LRRC8D: variants seen among roughly 807,000 people sequenced by gnomAD.
LRRC8D encodes the protein leucine rich repeat containing 8 VRAC subunit D, also known as volume-regulated anion channel subunit LRRC8D.
A neutral mutation model predicts 55.8 loss-of-function variants in LRRC8D; 20 were observed. That is an observed-to-expected ratio of 0.36 (90% confidence interval 0.25 to 0.52). The LOEUF (loss-of-function observed/expected upper bound fraction) is 0.52, where lower values mean the gene tolerates loss of function less well. LRRC8D is among the 20% of genes least tolerant of loss of function. The pLI, the probability that LRRC8D is intolerant of heterozygous loss-of-function variation, is 0.93. For missense variants in LRRC8D, 651 were observed against 1,030.8 expected (o/e 0.63, Z 5.05); for synonymous variants, 352 against 377.0 (o/e 0.93, Z 0.77).
At chr1:89,886,643 G>A (rs1662427145) in intron 2 of LRRC8D, among the ~76,000 whole-genome samples, 1 of 152,140 alleles carries the variant, frequency 6.6e-6, no homozygotes. Context: ...TGTATTCGCA[G>A]CCCATAAGTT....
intron 2 of LRRC8D, among the ~76,000 whole-genome samples, chr1:89,909,465 A>AT (rs140670041): frequency 0.022 from 3,291 of 148,210 alleles, 110 homozygotes; most frequent in African/African-American, 0.076. Context: ...TACCAGTGCC[A>AT]TTTTTTTTTT....
rs116363502 is a variant in LRRC8D at position 89,900,101 on chromosome 1, C to A, written c.-2-32966C>A. Among the ~76,000 whole-genome samples the A allele has an allele frequency of 2.2e-3, 337 of 152,224 alleles. 3 individuals carry two copies. Among genetic ancestry groups the A allele is most frequent in the African/African-American group, 7.6e-3 (317 of 41,518 alleles). On this transcript the variant is annotated intron_variant, in intron 2 of 2. Transcript: ENST00000337338. ...AGAAATGCACAGGATACTCTGGGAG[C>A]ATCAAGGGAGGATTAAAAGGACTGG...
intron 2 of LRRC8D, among the ~76,000 whole-genome samples, chr1:89,929,395 C>T (rs1269480870): frequency 6.6e-6 from 1 of 152,120 alleles, no homozygotes; most frequent in East Asian, 1.9e-4. Context: ...AAGTTACTGG[C>T]CTGGAACAGA....
chr1:89,931,122 T>C (rs1663694990), intron 2 of LRRC8D, among the ~76,000 whole-genome samples: 1 of 151,500 alleles, frequency 6.6e-6, no homozygotes, highest in African/African-American at 2.4e-5. Context: ...AGACTTGTGT[T>C]TACCTGCTTA....
rs528095720 is a variant in LRRC8D, at chr1:89,933,870, A to G, written c.802A>G (p.Ile268Val). The change falls in exon 3 of 3, where the codon ATT becomes GTT. Residue 268 changes from isoleucine (I) to valine (V), a missense_variant. Ile to Val is a conservative substitution (Grantham distance 29, BLOSUM62 3). This residue lies in a region of LRRC8D where 178 missense variants were observed against 374.9 expected (regional missense o/e 0.47). Coordinates refer to ENST00000337338, the MANE Select transcript of LRRC8D (RefSeq NM_001134479.2). The surrounding 1 kb of genome is among the most constrained non-coding windows in gnomAD (Gnocchi z 7.0). ...TAAATTTTCAGCTGAGAAGCCTGTG[A>G]TTGAAGTTCCCAGCATGACAATCCT... ...GFKFSAEKPVIEVPSMTILDK... is the reference protein window; with the variant it reads ...GFKFSAEKPVVEVPSMTILDK... The G allele has an allele frequency of 1.2e-6, 2 of 1,613,768 alleles. No homozygotes were observed. The highest frequency in any genetic ancestry group is 1.7e-6 in the Non-Finnish European group (2 of 1,179,858).
At chr1:89,885,523 ACAT>A (rs1234758053) in intron 2 of LRRC8D, among the ~76,000 whole-genome samples, 1 of 152,258 alleles carries the variant, frequency 6.6e-6, no homozygotes, top group Non-Finnish European at 1.5e-5. Flanking sequence ...TGGTGTGAAT[ACAT>A]CCTAGTAAGG....
chr1:89,909,917 G>A (rs1663092471), intron 2 of LRRC8D, among the ~76,000 whole-genome samples: 1 of 151,070 alleles, frequency 6.6e-6, no homozygotes, highest in African/African-American at 2.4e-5. Flanking sequence ...CCCTCACTGA[G>A]TAAGAATCTT....
chr1:89,917,008 G>A (rs1043454087), intron 2 of LRRC8D, among the ~76,000 whole-genome samples: 1 of 152,088 alleles, frequency 6.6e-6, no homozygotes, highest in Non-Finnish European at 1.5e-5. Flanking sequence ...CTATTGTACA[G>A]GTAAAAGGTG....
At chr1:89,889,639 T>C (rs1662510925) in intron 2 of LRRC8D, among the ~76,000 whole-genome samples, 1 of 150,678 alleles carries the variant, frequency 6.6e-6, no homozygotes, top group Non-Finnish European at 1.5e-5. Context: ...CCCCGCACTT[T>C]GGGAGGCCGA....
chr1:89,872,462 G>C (rs1343145388), intron 2 of LRRC8D, among the ~76,000 whole-genome samples: 1 of 152,166 alleles, frequency 6.6e-6, no homozygotes, highest in Non-Finnish European at 1.5e-5. Flanking sequence ...ACTTCATTCT[G>C]TTATTTGTTA....
chr1:89,838,790 TGATCAGTG>T (rs1164038068), intron 1 of LRRC8D, among the ~76,000 whole-genome samples: 2 of 152,240 alleles, frequency 1.3e-5, no homozygotes, highest in African/African-American at 4.8e-5. Flanking sequence ...TATCACAGTT[TGATCAGTG>T]GATCAGTCTT....
chr1:89,891,233 T>C (rs1662572416), intron 2 of LRRC8D, among the ~76,000 whole-genome samples: 1 of 152,226 alleles, frequency 6.6e-6, no homozygotes, highest in African/African-American at 2.4e-5. Flanking sequence ...GGCCAGTTAC[T>C]TTGTACCTTG....
intron 2 of LRRC8D, among the ~76,000 whole-genome samples, chr1:89,885,583 G>C (rs950727940): frequency 6.6e-6 from 1 of 152,172 alleles, no homozygotes; most frequent in African/African-American, 2.4e-5. Context: ...TTTTAAGTTA[G>C]GGTGTTTGGA....
intron 1 of LRRC8D, among the ~76,000 whole-genome samples, chr1:89,830,757 G>C (rs776974445): frequency 1.3e-5 from 2 of 152,150 alleles, no homozygotes; most frequent in Non-Finnish European, 2.9e-5. Context: ...TGATTTTAAA[G>C]GTTGGCTAAT....
rs150653463 is a variant in LRRC8D at position 89,869,650 on chromosome 1, A to G, written c.-3+25868A>G. Among the ~76,000 whole-genome samples, 67 of 152,316 alleles carry G rather than the reference A, an allele frequency of 4.4e-4. 1 individual carries two copies. Among genetic ancestry groups the G allele is most frequent in the African/African-American group, 1.6e-3 (66 of 41,562 alleles). On this transcript the variant is annotated intron_variant, in intron 2 of 2. Transcript: ENST00000337338. Reference sequence around the variant, plus strand: ...CTCAAGAAGAGCAACCACAAGACACATAATCATCAGATTCACCAAGGCAGA... The same window carrying G: ...CTCAAGAAGAGCAACCACAAGACACGTAATCATCAGATTCACCAAGGCAGA...
chr1:89,882,491 T>G (rs188021184), intron 2 of LRRC8D, among the ~76,000 whole-genome samples: 1 of 152,338 alleles, frequency 6.6e-6, no homozygotes, highest in Non-Finnish European at 1.5e-5. Flanking sequence ...AGTCCACAGA[T>G]GGTAAATGCT....
chr1:89,850,965 A>G lies in LRRC8D; in HGVS notation c.-3+7183A>G, dbSNP rs185443969. On this transcript the variant is annotated intron_variant, in intron 2 of 2. Transcript: ENST00000337338. ...CTAAAAACACATTTCTAAAAGACAC[A>G]TTTTTCTAGAAATGTGTCGACCTAT... Among the ~76,000 whole-genome samples, 253 of 151,942 alleles carry G rather than the reference A, an allele frequency of 1.7e-3. 3 individuals are homozygous for G. Among genetic ancestry groups the G allele is most frequent in the African/African-American group, 6.0e-3 (249 of 41,448 alleles).
intron 2 of LRRC8D, among the ~76,000 whole-genome samples, chr1:89,932,506 G>A (rs1003073418): frequency 1.3e-5 from 2 of 152,222 alleles, no homozygotes; most frequent in Admixed American, 1.3e-4. Flanking sequence ...TGTGCTAAGA[G>A]CGTTACAATC....
At chr1:89,883,785 G>T (rs566597680) in intron 2 of LRRC8D, among the ~76,000 whole-genome samples, 1 of 152,192 alleles carries the variant, frequency 6.6e-6, no homozygotes, top group Non-Finnish European at 1.5e-5. Context: ...AGCACTGAAC[G>T]TTCGTCTCTT....
Sources: gnomAD v4.1 joint callset for allele counts (sites outside exome capture counted in the v4.1 genomes callset) on GRCh38, gnomAD v4.1.1 for gene constraint, gnomAD v4.1.1 regional missense constraint, Gnocchi (gnomAD v3.1) non-coding constraint, MANE v1.5 for transcripts, NCBI Gene and HGNC (gene_info 2026-07-23, HGNC 2026-07-21) for gene names.